The following COL15A1 variants were observed in gnomAD, a reference collection of about 807,000 sequenced individuals.
COL15A1 encodes the protein collagen type XV alpha 1 chain, also known as collagen alpha-1(XV) chain.
A neutral mutation model predicts 165.9 loss-of-function variants in COL15A1; 111 were observed. The observed-to-expected ratio is 0.67, with a 90% confidence interval of 0.57 to 0.78. The LOEUF (loss-of-function observed/expected upper bound fraction) is 0.78. Ranked by LOEUF, COL15A1 falls within the 30% of genes least tolerant of loss-of-function variation. COL15A1 has a pLI of 0.00. For missense variants in COL15A1, 1,745 were observed against 1,789.7 expected (o/e 0.98, Z 0.45); for synonymous variants, 659 against 674.8 (o/e 0.98, Z 0.36).
chr9:99,026,130 T>C (rs112263545), intron 16 of COL15A1, among the ~76,000 whole-genome samples, 164 bp downstream of exon 16: 22 of 152,326 alleles, frequency 1.4e-4, no homozygotes, highest in African/African-American at 5.1e-4. Context: ...GGACTCATCA[T>C]GCCCAAGCCT....
intron 2 of COL15A1, among the ~76,000 whole-genome samples, chr9:98,983,670 G>A (rs569373234): frequency 9.8e-5 from 15 of 152,304 alleles, no homozygotes; most frequent in South Asian, 2.1e-4. Context: ...TTATCCCTGC[G>A]CATTGACCTC....
At chr9:98,990,010 G>A (rs1838390096) in intron 5 of COL15A1, among the ~76,000 whole-genome samples, 1 of 152,150 alleles carries the variant, frequency 6.6e-6, no homozygotes, top group South Asian at 2.1e-4. Flanking sequence ...TGCCTGGTCA[G>A]GCTACTTTGT....
chr9:99,011,020 G>C (rs1276534545), intron 9 of COL15A1, among the ~76,000 whole-genome samples: 1 of 151,934 alleles, frequency 6.6e-6, no homozygotes, highest in Admixed American at 6.6e-5. Flanking sequence ...TTTATAACCA[G>C]AGGAAAAAAA....
At chr9:98,996,139 A>G (rs999630387) in intron 5 of COL15A1, among the ~76,000 whole-genome samples, 5 of 152,232 alleles carry the variant, frequency 3.3e-5, no homozygotes, top group African/African-American at 1.2e-4. Context: ...TGCAGTAACA[A>G]ATTAACCTCA....
Position 99,016,047 on chromosome 9 carries a change from G to A in COL15A1, c.1575G>A (p.Glu525=), listed in dbSNP as rs1255962271. Reference sequence around the variant, plus strand: ...CCCTCATCACAGCTGGGGGTGAAGAGTCCGGCAGCCCTCCCCCTGATGGGC... The same window carrying A: ...CCCTCATCACAGCTGGGGGTGAAGAATCCGGCAGCCCTCCCCCTGATGGGC... The part of the protein sequence containing the change: ...EEPLITAGGE[E]SGSPPPDGPP... The change falls in exon 11 of 42, where the codon GAG becomes GAA. Residue 525 remains glutamate, a synonymous_variant. Coordinates refer to ENST00000375001, the MANE Select transcript of COL15A1 (RefSeq NM_001855.5). The A allele has an allele frequency of 1.9e-6, 3 of 1,614,062 alleles. No individual in the cohort carries two copies. Among genetic ancestry groups the A allele is most frequent in the Non-Finnish European group, 2.5e-6 (3 of 1,179,924 alleles).
rs181480366 is a variant in COL15A1 at position 99,026,543 on chromosome 9, C to T, written c.2043+577C>T. On this transcript the variant is annotated intron_variant, in intron 16 of 41. Transcript: ENST00000375001. ...TGCAGACATCTGGCCCTTCCTGATTCGCACAAGCTGCCTCTGTAGTGCATC... is the reference window on the plus strand; with the variant it reads ...TGCAGACATCTGGCCCTTCCTGATTTGCACAAGCTGCCTCTGTAGTGCATC... Among the ~76,000 whole-genome samples, 255 of 152,352 alleles carry T rather than the reference C, an allele frequency of 1.7e-3. 2 individuals are homozygous for T. The highest frequency in any genetic ancestry group is 5.9e-3 in the African/African-American group (246 of 41,582).
chr9:98,996,519 G>C (rs1838545157), intron 5 of COL15A1, among the ~76,000 whole-genome samples: 1 of 152,200 alleles, frequency 6.6e-6, no homozygotes, highest in Non-Finnish European at 1.5e-5. Context: ...TTTCATAGGT[G>C]TTTTCATATC....
At position 99,049,860 on chromosome 9, in the gene COL15A1, T is replaced by A; in HGVS notation, c.2869T>A (p.Phe957Ile). 6.2e-7 allele frequency: 1 copy of A among 1,614,222 alleles called. No homozygotes were observed. Among genetic ancestry groups the A allele is most frequent in the Non-Finnish European group, 8.5e-7 (1 of 1,180,028 alleles). ...TTGTTCTCATTACCCACAGGCCATT[T>A]TCCCAATACCCGTCCGACCACACTG... ...GAVINIKGAI[F>I]PIPVRPHCKM... is the part of the protein sequence containing the mutation. The change falls in exon 30 of 42, where the codon TTC becomes ATC. Residue 957 changes from phenylalanine to isoleucine, a missense_variant. By Grantham distance (21) the Phe-to-Ile change is conservative. Coordinates refer to ENST00000375001, the MANE Select transcript of COL15A1 (RefSeq NM_001855.5).
chr9:99,006,956 G>A (rs568558210), intron 9 of COL15A1, among the ~76,000 whole-genome samples: 1 of 152,330 alleles, frequency 6.6e-6, no homozygotes, highest in South Asian at 2.1e-4. Context: ...ACAGCCTCAG[G>A]AGGTCCTGAC....
At chr9:99,004,101 C>T (rs761834513) in intron 8 of COL15A1, among the ~76,000 whole-genome samples, 44 of 151,950 alleles carry the variant, frequency 2.9e-4, no homozygotes, top group Middle Eastern at 6.8e-3. Flanking sequence ...AGCCAGGGGT[C>T]GGGGAGAAAT....
At chr9:98,960,632 C>T (rs551074272) in intron 2 of COL15A1, among the ~76,000 whole-genome samples, 1 of 152,290 alleles carries the variant, frequency 6.6e-6, no homozygotes, top group Admixed American at 6.5e-5. Flanking sequence ...GGCCTGGTTC[C>T]AGGCTCTGCA....
In COL15A1 at chr9:99,020,428, C is replaced by T; in HGVS notation, c.1687C>T (p.Pro563Ser). 6.2e-7 allele frequency: 1 copy of T among 1,612,634 alleles called. No homozygotes were observed. The highest frequency in any genetic ancestry group is 8.5e-7 in the Non-Finnish European group (1 of 1,178,672). Residue 563 changes from proline (P) to serine (S), a missense_variant, in exon 12 of 42, where the codon CCC becomes TCC. Physicochemically the swap from Pro to Ser is moderately conservative, Grantham distance 74 (BLOSUM62 -1). Coordinates refer to ENST00000375001, the MANE Select transcript of COL15A1 (RefSeq NM_001855.5). Reference sequence around the variant, plus strand: ...TGTGGGAATGAAAGGACAGGCTGGGCCCAAAGGAGAAAAGGTTTGTGCTGT... The same window carrying T: ...TGTGGGAATGAAAGGACAGGCTGGGTCCAAAGGAGAAAAGGTTTGTGCTGT... ...EHVGMKGQAG[P>S]KGEKGDAGEE... is the part of the protein sequence containing the mutation.
At chr9:98,986,373 G>A (rs976056036) in intron 3 of COL15A1, 1 of 422,576 alleles carries the variant, frequency 2.4e-6, no homozygotes, top group African/African-American at 2.0e-5. Context: ...GTGGAGATAA[G>A]AAAACCTACC....
chr9:98,966,989 C>T (rs1316404070), intron 2 of COL15A1, among the ~76,000 whole-genome samples: 1 of 152,204 alleles, frequency 6.6e-6, no homozygotes, highest in Non-Finnish European at 1.5e-5. Flanking sequence ...TTCATTCATG[C>T]ACATGTGTAT....
chr9:98,978,050 A>G (rs1238588141), intron 2 of COL15A1, among the ~76,000 whole-genome samples: 1 of 152,208 alleles, frequency 6.6e-6, no homozygotes, highest in Non-Finnish European at 1.5e-5. Context: ...TCGTGGTACC[A>G]AGACTCTGTC....
At chr9:99,032,945 C>T (rs1229302346) in intron 16 of COL15A1, among the ~76,000 whole-genome samples, 2 of 152,112 alleles carry the variant, frequency 1.3e-5, no homozygotes, top group African/African-American at 4.8e-5. Flanking sequence ...GTTATCCTAC[C>T]TTTTCTCTGT....
At chr9:98,954,761 C>T (rs945264498) in intron 2 of COL15A1, among the ~76,000 whole-genome samples, 2 of 152,166 alleles carry the variant, frequency 1.3e-5, no homozygotes, top group African/African-American at 4.8e-5. Context: ...ATACTCCCTG[C>T]AACAGCATAT....
At chr9:99,013,561 A>AC (rs1330820223) in intron 9 of COL15A1, among the ~76,000 whole-genome samples, 3 of 151,956 alleles carry the variant, frequency 2.0e-5, no homozygotes, top group East Asian at 1.9e-4. Context: ...AAAAAAAAAA[A>AC]AAAACAGCTA....
chr9:99,022,323 T>C (rs571286277), intron 13 of COL15A1, among the ~76,000 whole-genome samples, 173 bp downstream of exon 13: 11 of 152,344 alleles, frequency 7.2e-5, no homozygotes, highest in African/African-American at 2.6e-4. Context: ...AACTGATTTC[T>C]ATCCAGTTTA....
Sources: allele counts gnomAD v4.1 joint callset (sites outside exome capture counted in the v4.1 genomes callset), GRCh38; gene constraint gnomAD v4.1.1; transcripts MANE v1.5; gene names NCBI Gene and HGNC (gene_info 2026-07-23, HGNC 2026-07-21).